The following DKK2 variants were observed in gnomAD, a reference collection of about 807,000 sequenced individuals.
DKK2 encodes dickkopf-related protein 2.
A neutral mutation model predicts 28.1 loss-of-function variants in DKK2; 11 were observed. The observed-to-expected ratio is 0.39, with a 90% CI of 0.25 to 0.65. The LOEUF (loss-of-function observed/expected upper bound fraction) is 0.65, where lower values mean the gene tolerates loss of function less well. DKK2 is among the 30% of genes least tolerant of loss of function. The pLI is 0.47. For synonymous variants in DKK2, 135 were observed against 126.5 expected, an observed-to-expected ratio of 1.07 and a Z score of -0.45; for missense variants, 326 against 335.5, an observed-to-expected ratio of 0.97 and a Z score of 0.22.
chr4:107,009,086 A>G (rs1394642407), intron 1 of DKK2, among the ~76,000 whole-genome samples: 1 of 151,982 alleles, frequency 6.6e-6, no homozygotes, highest in Non-Finnish European at 1.5e-5. Context: ...AGAACCAGGT[A>G]TATCTTCTTA....
chr4:106,945,092 A>C (rs1011691573), intron 1 of DKK2, among the ~76,000 whole-genome samples: 1 of 152,138 alleles, frequency 6.6e-6, no homozygotes, highest in Non-Finnish European at 1.5e-5. Context: ...CTTCTAGAGC[A>C]CAGCACTGTC....
In DKK2 at chr4:106,960,131, T is replaced by C. The variant is rs60740285; in HGVS notation, c.223-34182A>G. Among the ~76,000 whole-genome samples, 802 of 147,290 alleles carry C rather than the reference T, an allele frequency of 5.4e-3. 3 individuals carry two copies. The highest frequency in any genetic ancestry group is 0.018 in the African/African-American group (718 of 40,570). ...AAAAAATGTTATATATATATATATA[T>C]ACACACACACATATATATACATATA... On this transcript the variant is annotated intron_variant, in intron 1 of 3. Coordinates refer to ENST00000285311, the MANE Select transcript of DKK2 (RefSeq NM_014421.3).
chr4:106,965,936 T>G (rs1048907547), intron 1 of DKK2, among the ~76,000 whole-genome samples: 4 of 151,408 alleles, frequency 2.6e-5, no homozygotes, highest in Non-Finnish European at 5.9e-5. Flanking sequence ...CATCATTTTT[T>G]ATGGCTGCAT....
At chr4:106,984,712 T>C (rs1419452766) in intron 1 of DKK2, among the ~76,000 whole-genome samples, 1 of 152,238 alleles carries the variant, frequency 6.6e-6, no homozygotes, top group Non-Finnish European at 1.5e-5. Flanking sequence ...AGAATATTGG[T>C]GTTCAAGGGT....
At chr4:106,958,300 T>C (rs1262133671) in intron 1 of DKK2, among the ~76,000 whole-genome samples, 2 of 151,918 alleles carry the variant, frequency 1.3e-5, no homozygotes, top group Non-Finnish European at 2.9e-5. Flanking sequence ...AAACCCGAGA[T>C]CTATGAGAAT....
At chr4:106,983,380 G>GA (rs1560585874) in intron 1 of DKK2, among the ~76,000 whole-genome samples, 9 of 147,934 alleles carry the variant, frequency 6.1e-5, no homozygotes, top group African/African-American at 2.0e-4. Flanking sequence ...AGAAAGAAAA[G>GA]AAAGAAAAGA....
At chr4:106,971,725 C>G (rs561239205) in intron 1 of DKK2, among the ~76,000 whole-genome samples, 2 of 151,982 alleles carry the variant, frequency 1.3e-5, no homozygotes, top group South Asian at 4.1e-4. Context: ...ATAATGAGAC[C>G]CCTCCTTTGT....
chr4:106,966,800 A>G (rs751064265), intron 1 of DKK2, among the ~76,000 whole-genome samples: 12 of 152,134 alleles, frequency 7.9e-5, no homozygotes, highest in Non-Finnish European at 1.0e-4. Context: ...TTTGAAACCA[A>G]CAGATCTCAT....
chr4:106,933,429 G>T (rs1028084783), intron 1 of DKK2, among the ~76,000 whole-genome samples: 1 of 152,092 alleles, frequency 6.6e-6, no homozygotes, highest in South Asian at 2.1e-4. Context: ...GGTGGTGGTG[G>T]TGTTGAGAAT....
intron 1 of DKK2, among the ~76,000 whole-genome samples, chr4:107,003,972 T>C (rs1005443932): frequency 6.6e-6 from 1 of 152,304 alleles, no homozygotes; most frequent in Admixed American, 6.5e-5. Context: ...TCATTTACTC[T>C]TGTTTATGAG....
chr4:107,014,175 A>T (rs1356058179), intron 1 of DKK2, among the ~76,000 whole-genome samples: 1 of 151,484 alleles, frequency 6.6e-6, no homozygotes, highest in Admixed American at 6.6e-5. Context: ...TGTCAAAGAG[A>T]TACCTGCACT....
At chr4:106,994,541 G>T (rs1024530470) in intron 1 of DKK2, among the ~76,000 whole-genome samples, 1 of 151,324 alleles carries the variant, frequency 6.6e-6, no homozygotes, top group Non-Finnish European at 1.5e-5. Context: ...CACAATTAAA[G>T]TTTATAATAA....
At chr4:106,956,702 T>G (rs1043987740) in intron 1 of DKK2, among the ~76,000 whole-genome samples, 3 of 151,992 alleles carry the variant, frequency 2.0e-5, no homozygotes, top group African/African-American at 4.8e-5. Flanking sequence ...TAGCCATATG[T>G]AGAAAGCTGA....
At chr4:106,991,837 A>G (rs1390926716) in intron 1 of DKK2, among the ~76,000 whole-genome samples, 2 of 152,156 alleles carry the variant, frequency 1.3e-5, no homozygotes, top group African/African-American at 4.8e-5. Flanking sequence ...CGAAGGCTTC[A>G]TATTTGGCCT....
At chr4:106,957,347 A>G (rs1722610207) in intron 1 of DKK2, among the ~76,000 whole-genome samples, 1 of 151,954 alleles carries the variant, frequency 6.6e-6, no homozygotes, top group South Asian at 2.1e-4. Context: ...CAGTGTGGCG[A>G]TTCCTCAGGG....
intron 1 of DKK2, among the ~76,000 whole-genome samples, chr4:106,938,687 A>G: frequency 6.6e-6 from 1 of 152,202 alleles, no homozygotes; most frequent in Non-Finnish European, 1.5e-5. Context: ...AATATCCTTG[A>G]TGAACATTGA....
At chr4:106,974,976 C>T (rs1361413624) in intron 1 of DKK2, among the ~76,000 whole-genome samples, 40 of 152,172 alleles carry the variant, frequency 2.6e-4, no homozygotes, top group Admixed American at 2.6e-3. Flanking sequence ...TATTGAAGGC[C>T]TTTCCTGCAT....
At position 107,035,572 on chromosome 4, in the gene DKK2, C is replaced by T. The variant is rs147012957; in HGVS notation, c.20G>A (p.Ser7Asn). The change falls in exon 1 of 4, where the codon AGC (serine) becomes AAC (asparagine). Residue 7 changes from serine (S) to asparagine (N), a missense_variant. Coordinates refer to ENST00000285311, the MANE Select transcript of DKK2 (RefSeq NM_014421.3). ...GAGCAGGCAGCAGGACGAATCCTTG[C>T]TCCGCATCAACGCGGCCATCTCCCG... MAALMR[S>N]KDSSCCLLLL... 82 of 1,614,190 alleles carry T rather than the reference C, an allele frequency of 5.1e-5. No individual in the cohort carries two copies. In the African/African-American group the frequency reaches 8.9e-4, roughly 18 times the overall value.
At chr4:106,943,941 T>A (rs1724739764) in intron 1 of DKK2, among the ~76,000 whole-genome samples, 1 of 152,114 alleles carries the variant, frequency 6.6e-6, no homozygotes, top group Non-Finnish European at 1.5e-5. Flanking sequence ...GACACTTCCA[T>A]CCTAAACAAT....
Sources: gnomAD v4.1 joint callset for allele counts (sites outside exome capture counted in the v4.1 genomes callset) on GRCh38, gnomAD v4.1.1 for gene constraint, MANE v1.5 for transcripts, NCBI Gene and HGNC (gene_info 2026-07-23, HGNC 2026-07-21) for gene names.